The following MKLN1 variants were observed in gnomAD, a reference collection of about 807,000 sequenced individuals.
MKLN1 encodes the protein muskelin 1, also known as muskelin.
MKLN1 carries 18 observed loss-of-function variants against 99.0 expected under a neutral mutation model. That is an observed-to-expected ratio of 0.18 (90% confidence interval 0.13 to 0.27). The LOEUF (loss-of-function observed/expected upper bound fraction) is 0.27, where lower values mean the gene tolerates loss of function less well. Among genes scored for constraint, MKLN1 ranks in the 10% least tolerant of loss-of-function variants. The pLI is 1.00. For synonymous variants in MKLN1, 288 were observed against 293.2 expected (o/e 0.98, Z 0.18); for missense variants, 621 against 875.9 (o/e 0.71, Z 3.67).
At chr7:131,211,775 C>CT (rs1796909927) in intron 3 of MKLN1, among the ~76,000 whole-genome samples, 1 of 152,114 alleles carries the variant, frequency 6.6e-6, no homozygotes, top group Admixed American at 6.6e-5. Flanking sequence ...GGTGATTACT[C>CT]TAGGAGGCTC....
intron 1 of MKLN1, among the ~76,000 whole-genome samples, chr7:131,125,434 C>T (rs894270001): frequency 6.6e-6 from 1 of 152,062 alleles, no homozygotes; most frequent in African/African-American, 2.4e-5. Flanking sequence ...CTGACATGAA[C>T]GAGAGGAGCA....
At chr7:131,370,132 C>T (rs1371770322) in intron 1 of MKLN1, among the ~76,000 whole-genome samples, 2 of 152,214 alleles carry the variant, frequency 1.3e-5, no homozygotes, top group Non-Finnish European at 2.9e-5. Context: ...GCCACGGTGC[C>T]CAGCCATGAG....
chr7:131,407,988 C>T (rs749131888), intron 6 of MKLN1, among the ~76,000 whole-genome samples: 23 of 152,218 alleles, frequency 1.5e-4, no homozygotes, highest in East Asian at 1.9e-4. Flanking sequence ...AAGTAACATA[C>T]ATCTGAGAGC....
At chr7:131,390,503 G>A (rs1327599885) in intron 4 of MKLN1, among the ~76,000 whole-genome samples, 1 of 151,690 alleles carries the variant, frequency 6.6e-6, no homozygotes, top group Non-Finnish European at 1.5e-5. Flanking sequence ...CTTTTTTGCT[G>A]AGTATTTGAA....
chr7:131,231,868 T>C (rs1174728335), intron 3 of MKLN1, among the ~76,000 whole-genome samples: 2 of 152,178 alleles, frequency 1.3e-5, no homozygotes, highest in African/African-American at 2.4e-5. Flanking sequence ...GCCAATGTCA[T>C]GCTGAAGAAC....
chr7:131,209,454 C>T (rs1351876932), intron 3 of MKLN1, among the ~76,000 whole-genome samples: 1 of 152,104 alleles, frequency 6.6e-6, no homozygotes, highest in African/African-American at 2.4e-5. Context: ...ATGTGGAAGG[C>T]AGAGTCAATG....
chr7:131,156,041 A>G (rs2116298669), intron 2 of MKLN1, among the ~76,000 whole-genome samples: 1 of 152,308 alleles, frequency 6.6e-6, no homozygotes, highest in East Asian at 1.9e-4. Context: ...GGGAAGCTAG[A>G]AATAAATTAT....
At chr7:131,143,472 A>G (rs553556614) in intron 2 of MKLN1, among the ~76,000 whole-genome samples, 1 of 152,202 alleles carries the variant, frequency 6.6e-6, no homozygotes, top group South Asian at 2.1e-4. Flanking sequence ...TCTCAAAAAA[A>G]AGAAAAAATT....
intron 1 of MKLN1, among the ~76,000 whole-genome samples, chr7:131,355,828 G>C (rs1487127220): frequency 6.6e-6 from 1 of 150,990 alleles, no homozygotes; most frequent in Non-Finnish European, 1.5e-5. Context: ...ACCCAGCCTT[G>C]ATATTTTTTT....
intron 1 of MKLN1, among the ~76,000 whole-genome samples, chr7:131,121,214 A>C (rs944286137): frequency 1.3e-5 from 2 of 152,136 alleles, no homozygotes; most frequent in African/African-American, 4.8e-5. Flanking sequence ...TCACTATCAC[A>C]TGAACAGCAA....
chr7:131,150,503 A>C (rs1214924460), intron 2 of MKLN1, among the ~76,000 whole-genome samples: 3 of 152,038 alleles, frequency 2.0e-5, no homozygotes, highest in African/African-American at 2.4e-5. Context: ...ACAAACAAAC[A>C]AACAAACAAT....
chr7:131,231,614 G>A (rs528591286), intron 3 of MKLN1, among the ~76,000 whole-genome samples: 56 of 152,266 alleles, frequency 3.7e-4, no homozygotes, highest in African/African-American at 1.2e-3. Context: ...ATGCTCGTGC[G>A]TGCAGATCTG....
intron 6 of MKLN1, among the ~76,000 whole-genome samples, chr7:131,406,753 C>T (rs1794721072): frequency 6.6e-6 from 1 of 152,094 alleles, no homozygotes; most frequent in South Asian, 2.1e-4. Flanking sequence ...ATGTAGAATT[C>T]CAGATTGACA....
intron 1 of MKLN1, among the ~76,000 whole-genome samples, chr7:131,331,847 G>A (rs1799085823): frequency 6.6e-6 from 1 of 152,112 alleles, no homozygotes; most frequent in African/African-American, 2.4e-5. Context: ...GAGAAACTTT[G>A]AAAGTATTTT....
upstream of MKLN1, among the ~76,000 whole-genome samples, chr7:131,324,751 A>T (rs1360941502): frequency 6.6e-6 from 1 of 152,230 alleles, no homozygotes; most frequent in Admixed American, 6.5e-5. Flanking sequence ...ACAAATACAC[A>T]GTTCAAAAGT....
intron 1 of MKLN1, among the ~76,000 whole-genome samples, chr7:131,356,719 T>A (rs1400576945): frequency 6.6e-6 from 1 of 152,128 alleles, no homozygotes. Context: ...AGGACAGTAT[T>A]CTTCATCGAG....
intron 3 of MKLN1, among the ~76,000 whole-genome samples, chr7:131,258,287 G>A (rs1037445554): frequency 6.6e-6 from 1 of 152,098 alleles, no homozygotes; most frequent in Non-Finnish European, 1.5e-5. Flanking sequence ...ATTGGAAAGA[G>A]TGGGTAGAGA....
chr7:131,336,862 A>G (rs901773737), intron 1 of MKLN1, among the ~76,000 whole-genome samples: 3 of 152,102 alleles, frequency 2.0e-5, no homozygotes, highest in Non-Finnish European at 4.4e-5. Context: ...ACATGCTTCC[A>G]TCTGAGATTA....
intron 3 of MKLN1, among the ~76,000 whole-genome samples, chr7:131,227,493 T>TTCTCTTTCTTTCTTTC (rs1797170520): frequency 1.3e-5 from 1 of 74,830 alleles, no homozygotes; most frequent in Non-Finnish European, 2.8e-5. Flanking sequence ...CTCTCTTTCT[T>TTCTCTTTCTTTCTTTC]TCTCTTTCTT....
Sources: gnomAD v4.1 joint callset for allele counts (sites outside exome capture counted in the v4.1 genomes callset) on GRCh38, gnomAD v4.1.1 for gene constraint, MANE v1.5 for transcripts, NCBI Gene and HGNC (gene_info 2026-07-23, HGNC 2026-07-21) for gene names.